RFC1: variants seen among roughly 807,000 people sequenced by gnomAD.
The protein encoded by RFC1 is replication factor C subunit 1, also known as A1 140 kDa subunit.
RFC1 carries 37 observed loss-of-function variants against 137.4 expected under a neutral mutation model. The observed-to-expected ratio is 0.27, with a 90% CI of 0.21 to 0.35. RFC1 has a LOEUF of 0.35. Among genes scored for constraint, RFC1 ranks in the 10% least tolerant of loss-of-function variants. The pLI is 1.00. For missense variants in RFC1, 1,205 were observed against 1,358.5 expected (o/e 0.89, Z 1.78); for synonymous variants, 429 against 455.7 (o/e 0.94, Z 0.75).
At chr4:39,346,403 G>T (rs1237662122) in intron 2 of RFC1, among the ~76,000 whole-genome samples, 1 of 152,032 alleles carries the variant, frequency 6.6e-6, no homozygotes, top group Non-Finnish European at 1.5e-5. Flanking sequence ...TTGAACCTGG[G>T]GGGCAGAGGT....
intron 2 of RFC1, among the ~76,000 whole-genome samples, chr4:39,350,142 TA>T (rs2109754061): frequency 1.3e-5 from 2 of 151,928 alleles, no homozygotes; most frequent in South Asian, 4.1e-4. Flanking sequence ...TAGATAGCCT[TA>T]ACAGTAAATT....
At chr4:39,320,692 GGTT>G (rs1487205003) in intron 8 of RFC1, 23 bp from the exon 9 acceptor site, 4 of 1,541,290 alleles carry the variant, frequency 2.6e-6, no homozygotes, top group Non-Finnish European at 3.5e-6. Flanking sequence ...AAAAGATTAT[GGTT>G]GTTGTTTTTG....
chr4:39,308,590 A>C, intron 13 of RFC1, 46 bp downstream of exon 13: 1 of 1,564,300 alleles, frequency 6.4e-7, no homozygotes, highest in Non-Finnish European at 8.7e-7. Flanking sequence ...GAGCAATCAC[A>C]TGTTGATATA....
At chr4:39,317,749 T>C (rs1490607818) in intron 9 of RFC1, 1 of 152,126 alleles carries the variant, frequency 6.6e-6, no homozygotes, top group African/African-American at 2.4e-5. Context: ...ATAGCTCTCA[T>C]TTAAGAACCA....
chr4:39,301,764 A>T (rs1256143949), intron 19 of RFC1, among the ~76,000 whole-genome samples: 1 of 152,248 alleles, frequency 6.6e-6, no homozygotes, highest in Non-Finnish European at 1.5e-5. Flanking sequence ...GGGGAAACAT[A>T]GCGAGACCCT....
Position 39,312,805 on chromosome 4 carries a change from TC to T in RFC1, c.1329del (p.Thr445GlnfsTer32). On this transcript the variant is annotated frameshift_variant, in exon 11 of 25. Coordinates refer to ENST00000349703, the MANE Select transcript of RFC1 (RefSeq NM_002913.5). LOFTEE classifies it high-confidence loss of function. ...CGACCCATGACAAGATAATTTGTTT[TC>T]TTGCTGACATTTCCTGTTACTTTTC... ...YGGKVTGNVS[K>X]KTNYLVMGRD... 6.2e-7 allele frequency: 1 copy of T among 1,614,152 alleles called. No individual in the cohort carries two copies. The highest frequency in any genetic ancestry group is 8.5e-7 in the Non-Finnish European group (1 of 1,180,008).
At chr4:39,302,646 G>T in intron 17 of RFC1, 51 bp from the exon 18 acceptor site, 1 of 1,482,506 alleles carries the variant, frequency 6.7e-7, no homozygotes, top group Non-Finnish European at 9.2e-7. Context: ...CATATAATCA[G>T]GTATTTTAAA....
At chr4:39,329,155 C>CAAAAAAAAAAAAA (rs1739952751) in intron 4 of RFC1, among the ~76,000 whole-genome samples, 14 of 38,550 alleles carry the variant, frequency 3.6e-4, no homozygotes, top group South Asian at 1.1e-3. Flanking sequence ...AAAAAAAAAG[C>CAAAAAAAAAAAAA]TTTTCGATTT....
chr4:39,305,750 C>T (rs1738608074), intron 14 of RFC1, among the ~76,000 whole-genome samples: 1 of 151,940 alleles, frequency 6.6e-6, no homozygotes, highest in South Asian at 2.1e-4. Context: ...TGATTCATTT[C>T]CCAAAACTGA....
At chr4:39,318,321 A>G (rs1469414940) in intron 9 of RFC1, among the ~76,000 whole-genome samples, 1 of 152,244 alleles carries the variant, frequency 6.6e-6, no homozygotes, top group East Asian at 1.9e-4. Context: ...ATTAAAATAC[A>G]GCTGCCCACA....
intron 4 of RFC1, among the ~76,000 whole-genome samples, chr4:39,329,146 A>AAAAAAAAAAAAAAAAAAAAAAAAAAAC (rs1739948209): frequency 6.8e-6 from 1 of 147,862 alleles, no homozygotes; most frequent in Non-Finnish European, 1.5e-5. Flanking sequence ...AAAAAAAAAA[A>AAAAAAAAAAAAAAAAAAAAAAAAAAAC]AAAAAAAGCT....
intron 21 of RFC1, chr4:39,297,571 C>T (rs10470874): frequency 0.51 from 76,197 of 150,582 alleles, 20,776 homozygotes; most frequent in African/African-American, 0.73. Context: ...TGTAGGTATG[C>T]GGCGTTATTT....
chr4:39,305,794 G>A (rs1199603501), intron 14 of RFC1, among the ~76,000 whole-genome samples: 1 of 151,942 alleles, frequency 6.6e-6, no homozygotes, highest in Non-Finnish European at 1.5e-5. Flanking sequence ...AAAATATAAT[G>A]ATAATAATAA....
At chr4:39,342,552 TTCC>T in intron 3 of RFC1, 85 bp from the exon 4 acceptor site, 3 of 1,291,226 alleles carry the variant, frequency 2.3e-6, no homozygotes, top group Non-Finnish European at 3.2e-6. Context: ...GGTGAACCAA[TTCC>T]TCAAGGTCTT....
intron 4 of RFC1, among the ~76,000 whole-genome samples, chr4:39,339,082 C>CA (rs1553925853): frequency 6.7e-6 from 1 of 149,166 alleles, no homozygotes; most frequent in Non-Finnish European, 1.5e-5. Flanking sequence ...ACAGAATCTC[C>CA]TTTTTTTTTT....
rs17335333 is a variant in RFC1, at chr4:39,301,304, G to C, written c.2536-890C>G. Among the ~76,000 whole-genome samples, 1,267 of 152,234 alleles carry C rather than the reference G, an allele frequency of 8.3e-3. 16 individuals are homozygous for C. Among genetic ancestry groups the C allele is most frequent in the African/African-American group, 0.028 (1,174 of 41,530 alleles). On this transcript the variant is annotated intron_variant, in intron 19 of 24. Coordinates refer to ENST00000349703, the MANE Select transcript of RFC1 (RefSeq NM_002913.5). ...GGAAAGCGGAAAGGAAGAATGAACAGGTAGAGCACAGAGGATGTTCAGGAC... is the reference window on the plus strand; with the variant it reads ...GGAAAGCGGAAAGGAAGAATGAACACGTAGAGCACAGAGGATGTTCAGGAC...
chr4:39,317,009 T>G lies in RFC1; in HGVS notation c.1109A>C (p.Glu370Ala). The change falls in exon 10 of 25, where the codon GAA becomes GCA. Residue 370 changes from glutamate to alanine, a missense_variant. Transcript: ENST00000349703. Reference sequence around the variant, plus strand: ...ATTAGTGCGTTTCTTTTCAGAATCTTCAGGACTTACAGACTTTGGGAACAG... The same window carrying G: ...ATTAGTGCGTTTCTTTTCAGAATCTGCAGGACTTACAGACTTTGGGAACAG... Reference protein sequence around the residue: ...SPAKKESVSPEDSEKKRTNYQ... With the variant: ...SPAKKESVSPADSEKKRTNYQ... The G allele has an allele frequency of 6.2e-7, 1 of 1,613,086 alleles. No homozygotes were observed. Among genetic ancestry groups the G allele is most frequent in the Non-Finnish European group, 8.5e-7 (1 of 1,179,116 alleles).
intron 4 of RFC1, chr4:39,341,518 C>T (rs1298170473): frequency 2.3e-6 from 1 of 429,506 alleles, no homozygotes; most frequent in Admixed American, 2.7e-5. Flanking sequence ...ACAGTTTCAT[C>T]AACAAATGTT....
intron 1 of RFC1, chr4:39,365,347 T>A: frequency 2.4e-6 from 1 of 411,912 alleles, no homozygotes; most frequent in Non-Finnish European, 3.3e-6. Flanking sequence ...CTGTGACACG[T>A]TGACCAATGA....
Sources: allele counts gnomAD v4.1 joint callset (sites outside exome capture counted in the v4.1 genomes callset), GRCh38; gene constraint gnomAD v4.1.1; transcripts MANE v1.5; gene names NCBI Gene and HGNC (gene_info 2026-07-23, HGNC 2026-07-21).